Variants in SIPA1L3 observed in about 807,000 individuals in gnomAD.
The protein encoded by SIPA1L3 is signal induced proliferation associated 1 like 3, also known as signal-induced proliferation-associated 1-like protein 3.
Under a neutral mutation model 150.1 loss-of-function variants are expected in SIPA1L3, and 59 were observed. The observed-to-expected ratio is 0.39, with a 90% CI of 0.32 to 0.49. The LOEUF (loss-of-function observed/expected upper bound fraction) is 0.49. SIPA1L3 is among the 20% of genes least tolerant of loss of function. The pLI is 0.86. For synonymous variants in SIPA1L3, 1,070 were observed against 1,077.6 expected (o/e 0.99, Z 0.14); for missense variants, 2,211 against 2,489.5 (o/e 0.89, Z 2.38).
At chr19:37,984,736 G>A (rs764337229) in intron 1 of SIPA1L3, among the ~76,000 whole-genome samples, 5 of 152,176 alleles carry the variant, frequency 3.3e-5, no homozygotes, top group Non-Finnish European at 5.9e-5. Context: ...TGTCATAAAC[G>A]TTAATGACAA....
At chr19:38,036,291 C>T (rs1968784197) in intron 2 of SIPA1L3, among the ~76,000 whole-genome samples, 2 of 152,248 alleles carry the variant, frequency 1.3e-5, no homozygotes, top group African/African-American at 2.4e-5. Context: ...CCCGAATTAG[C>T]CCAGACCTTT....
At chr19:37,961,495 A>G (rs1411178761) in intron 1 of SIPA1L3, among the ~76,000 whole-genome samples, 2 of 151,786 alleles carry the variant, frequency 1.3e-5, no homozygotes, top group South Asian at 4.1e-4. Flanking sequence ...TTCTTTTCCT[A>G]CTTTGAAGCT....
chr19:38,147,221 C>T (rs1971719745), intron 12 of SIPA1L3, among the ~76,000 whole-genome samples: 1 of 151,960 alleles, frequency 6.6e-6, no homozygotes, highest in African/African-American at 2.4e-5. Context: ...ACAACCCTCC[C>T]AGCTAATTTT....
chr19:38,084,539 G>A (rs550307568), intron 3 of SIPA1L3, among the ~76,000 whole-genome samples: 2 of 133,816 alleles, frequency 1.5e-5, no homozygotes, highest in African/African-American at 6.3e-5. Context: ...AAGAATAGAG[G>A]GCTTTTCTTA....
At position 38,055,294 on chromosome 19, in the gene SIPA1L3, G is replaced by T. The variant is rs575292586; in HGVS notation, c.-310-25962G>T. On this transcript the variant is annotated intron_variant, in intron 2 of 21. Coordinates refer to ENST00000222345, the MANE Select transcript of SIPA1L3 (RefSeq NM_015073.3). Reference sequence around the variant, plus strand: ...CTGGGGGCGGCGCCACTGTTGGGGGGTGCAGGGACAGGGAGCAGGCTCCTT... The same window carrying T: ...CTGGGGGCGGCGCCACTGTTGGGGGTTGCAGGGACAGGGAGCAGGCTCCTT... 1.5e-4 allele frequency among the ~76,000 whole-genome samples: 23 copies of T among 152,322 alleles called. 1 individual carries two copies. In the South Asian group the frequency reaches 4.8e-3, roughly 32 times the overall value.
intron 15 of SIPA1L3, among the ~76,000 whole-genome samples, chr19:38,178,550 A>C (rs544903939): frequency 6.6e-6 from 1 of 152,096 alleles, no homozygotes; most frequent in Non-Finnish European, 1.5e-5. Flanking sequence ...ATCTCGGCTC[A>C]CTGCAACCTC....
At position 38,130,606 on chromosome 19, in the gene SIPA1L3, T is replaced by C. The variant is rs1971285218; in HGVS notation, c.2977T>C (p.Tyr993His). ...YDGTVAEVED[Y>H]GFAWQAGLRQ... ...CGGCACGGTGGCCGAGGTTGAGGAC[T>C]ATGGGTTCGCCTGGCAGGCCGGCCT... The change falls in exon 10 of 22, where the codon TAT becomes CAT. Residue 993 changes from tyrosine (Y) to histidine (H), a missense_variant. Transcript: ENST00000222345. 2 of 1,613,782 alleles carry C rather than the reference T, an allele frequency of 1.2e-6. No individual in the cohort carries two copies. Among genetic ancestry groups the C allele is most frequent in the African/African-American group, 1.3e-5 (1 of 75,056 alleles).
intron 2 of SIPA1L3, among the ~76,000 whole-genome samples, 151 bp from the exon 3 acceptor site, chr19:38,081,105 G>A (rs545879454): frequency 1.1e-4 from 17 of 152,252 alleles, no homozygotes; most frequent in South Asian, 4.1e-4. Context: ...GGGTGACTCA[G>A]TCTCCTCTCT....
chr19:38,004,718 A>C (rs1392266174), intron 1 of SIPA1L3, among the ~76,000 whole-genome samples: 1 of 152,142 alleles, frequency 6.6e-6, no homozygotes, highest in Non-Finnish European at 1.5e-5. Flanking sequence ...AAGAGGGGTG[A>C]GCTCACACTA....
intron 2 of SIPA1L3, among the ~76,000 whole-genome samples, chr19:38,049,598 C>A (rs1406945185): frequency 6.6e-6 from 1 of 152,170 alleles, no homozygotes; most frequent in African/African-American, 2.4e-5. Flanking sequence ...TGGGGCTTAC[C>A]CCCAGGAGTC....
At chr19:37,932,567 G>A (rs1349027490) in intron 1 of SIPA1L3, 3 of 151,872 alleles carry the variant, frequency 2.0e-5, no homozygotes, top group South Asian at 2.1e-4. Context: ...CACTGAGGTC[G>A]GCCTGGAGAG....
At chr19:38,043,646 G>T (rs1968979314) in intron 2 of SIPA1L3, among the ~76,000 whole-genome samples, 1 of 152,200 alleles carries the variant, frequency 6.6e-6, no homozygotes, top group African/African-American at 2.4e-5. Context: ...CATAGTAAAT[G>T]CTGTGTCAAT....
chr19:38,022,251 A>G (rs1968387444), intron 1 of SIPA1L3, among the ~76,000 whole-genome samples: 1 of 152,194 alleles, frequency 6.6e-6, no homozygotes. Context: ...AGAGGTTTAA[A>G]TGGATTGGTA....
chr19:37,959,165 A>C (rs1389520677), intron 1 of SIPA1L3, among the ~76,000 whole-genome samples: 1 of 152,238 alleles, frequency 6.6e-6, no homozygotes, highest in African/African-American at 2.4e-5. Context: ...TGATCCAGCA[A>C]TTCCACTCCT....
intron 1 of SIPA1L3, among the ~76,000 whole-genome samples, chr19:37,978,327 T>C (rs1229442933): frequency 1.3e-5 from 2 of 152,194 alleles, no homozygotes; most frequent in South Asian, 2.1e-4. Context: ...GCCACAGTTA[T>C]GTTTAGGGCC....
chr19:38,124,875 GCCTGCAATCGCAGGCACTC>G (rs1319388422), intron 9 of SIPA1L3, among the ~76,000 whole-genome samples: 1 of 152,152 alleles, frequency 6.6e-6, no homozygotes, highest in Non-Finnish European at 1.5e-5. Flanking sequence ...GGCGGCGCGC[GCCTGCAATCGCAGGCACTC>G]CGCAGGCTGA....
At chr19:38,204,260 G>T in intron 21 of SIPA1L3, 52 bp downstream of exon 21, 1 of 1,480,618 alleles carries the variant, frequency 6.8e-7, no homozygotes, top group South Asian at 1.2e-5. Context: ...CACTGGGCAG[G>T]GCAGTCAGCA....
At chr19:38,143,631 C>A (rs968521776) in intron 12 of SIPA1L3, among the ~76,000 whole-genome samples, 13 of 151,236 alleles carry the variant, frequency 8.6e-5, no homozygotes, top group African/African-American at 2.9e-4. Flanking sequence ...CTCCACCTCC[C>A]GGGTTCAAGT....
At chr19:37,937,841 T>C (rs2145515192) in intron 1 of SIPA1L3, among the ~76,000 whole-genome samples, 1 of 149,872 alleles carries the variant, frequency 6.7e-6, no homozygotes, top group Middle Eastern at 3.6e-3. Context: ...GCTTAAGAGA[T>C]TGAGACCATC....
Sources: allele counts gnomAD v4.1 joint callset (sites outside exome capture counted in the v4.1 genomes callset), GRCh38; gene constraint gnomAD v4.1.1; transcripts MANE v1.5; gene names NCBI Gene and HGNC (gene_info 2026-07-23, HGNC 2026-07-21).